DLGAP2: variants seen among roughly 807,000 people sequenced by gnomAD.
DLGAP2 encodes DLG associated protein 2.
Under a neutral mutation model 100.3 loss-of-function variants are expected in DLGAP2, and 26 were observed. The observed-to-expected ratio is 0.26, with a 90% CI of 0.19 to 0.36. The LOEUF (loss-of-function observed/expected upper bound fraction) is 0.36. Ranked by LOEUF, DLGAP2 falls within the 10% of genes least tolerant of loss-of-function variation. The pLI, the probability that DLGAP2 is intolerant of heterozygous loss-of-function variation, is 1.00. For synonymous variants in DLGAP2, 886 were observed against 630.1 expected (o/e 1.41, Z -6.08); for missense variants, 1,858 against 1,453.2 (o/e 1.28, Z -4.53).
chr8:913,568 T>G (rs967272782), intron 2 of DLGAP2, among the ~76,000 whole-genome samples: 1 of 152,378 alleles, frequency 6.6e-6, no homozygotes, highest in East Asian at 1.9e-4. Context: ...TGAATGCTTA[T>G]ACTAATAGTA....
chr8:1,012,022 C>T lies in DLGAP2; in HGVS notation c.73+104056C>T, dbSNP rs535791666. The stretch of plus-strand genomic sequence containing the variant: ...CTCAAGTCCAGGGGCATGGCTTTCA[C>T]AGAAGATGTTTTATAGGCCCTGCAA... On this transcript the variant is annotated intron_variant, in intron 2 of 14. Transcript: ENST00000637795. 3.9e-5 allele frequency among the ~76,000 whole-genome samples: 6 copies of T among 152,316 alleles called. No homozygotes were observed. In the South Asian group the frequency reaches 1.2e-3, roughly 32 times the overall value.
intron 1 of DLGAP2, among the ~76,000 whole-genome samples, chr8:743,954 G>T (rs1022351930): frequency 3.9e-5 from 6 of 152,270 alleles, no homozygotes; most frequent in Admixed American, 3.9e-4. Context: ...TGAAGACGTG[G>T]ATTCACGTCG....
chr8:1,372,922 C>T (rs901097350), intron 3 of DLGAP2, among the ~76,000 whole-genome samples: 3 of 152,206 alleles, frequency 2.0e-5, no homozygotes, highest in African/African-American at 7.2e-5. Context: ...GTACGGGGCA[C>T]TCTGAGTGTG....
chr8:1,036,221 G>A (rs1218122765), intron 2 of DLGAP2, among the ~76,000 whole-genome samples: 11 of 149,212 alleles, frequency 7.4e-5, no homozygotes, highest in East Asian at 6.0e-4. Flanking sequence ...TCCCGACCCC[G>A]CGTGTCACCG....
At chr8:1,345,017 T>C (rs540202253) in intron 3 of DLGAP2, among the ~76,000 whole-genome samples, 6 of 152,334 alleles carry the variant, frequency 3.9e-5, no homozygotes, top group African/African-American at 1.4e-4. Flanking sequence ...AAATTTGATA[T>C]TGGGACCATT....
intron 3 of DLGAP2, among the ~76,000 whole-genome samples, chr8:1,431,848 CCT>C (rs1272218240): frequency 1.3e-5 from 2 of 152,170 alleles, no homozygotes; most frequent in African/African-American, 4.8e-5. Context: ...GCCACCAAGC[CCT>C]GAGAACCCTG....
chr8:1,364,190 C>T (rs951191916), intron 3 of DLGAP2, among the ~76,000 whole-genome samples: 2 of 152,190 alleles, frequency 1.3e-5, no homozygotes, highest in African/African-American at 2.4e-5. Flanking sequence ...GAGCCCTGTA[C>T]AGAGGGGAGG....
At chr8:1,545,200 G>T (rs1227480076) in intron 4 of DLGAP2, among the ~76,000 whole-genome samples, 1 of 152,138 alleles carries the variant, frequency 6.6e-6, no homozygotes, top group African/African-American at 2.4e-5. Context: ...CTTTGAGAGG[G>T]ATCGGTGTTA....
chr8:1,100,171 G>A (rs1804528970), intron 2 of DLGAP2, among the ~76,000 whole-genome samples: 1 of 148,770 alleles, frequency 6.7e-6, no homozygotes, highest in Admixed American at 6.7e-5. Flanking sequence ...GACAGCGTGT[G>A]TAGGGAAAAC....
At chr8:1,680,300 G>A (rs761796806) in intron 12 of DLGAP2, among the ~76,000 whole-genome samples, 10 of 152,318 alleles carry the variant, frequency 6.6e-5, no homozygotes, top group East Asian at 5.8e-4. Context: ...TTTCTAGATG[G>A]CTGTTTTAAT....
chr8:950,158 G>C (rs980993935), intron 2 of DLGAP2, among the ~76,000 whole-genome samples: 1 of 152,190 alleles, frequency 6.6e-6, no homozygotes, highest in Non-Finnish European at 1.5e-5. Flanking sequence ...GTCCAAAACA[G>C]TGACTCGGGG....
intron 4 of DLGAP2, among the ~76,000 whole-genome samples, chr8:1,546,779 T>C (rs1801553321): frequency 6.6e-6 from 1 of 152,086 alleles, no homozygotes. Context: ...CATCTCAGGC[T>C]GCTTAGGGTG....
chr8:979,361 T>C (rs1257099830), intron 2 of DLGAP2, among the ~76,000 whole-genome samples: 1 of 152,082 alleles, frequency 6.6e-6, no homozygotes, highest in African/African-American at 2.4e-5. Context: ...AAGGGAGAAA[T>C]TGAGTAGTTG....
intron 2 of DLGAP2, among the ~76,000 whole-genome samples, chr8:1,034,539 C>T (rs1802076007): frequency 1.1e-5 from 1 of 91,742 alleles, no homozygotes; most frequent in Non-Finnish European, 2.1e-5. Flanking sequence ...ATCCCGACCC[C>T]GCGTGTCACC....
intron 1 of DLGAP2, among the ~76,000 whole-genome samples, chr8:761,842 C>T (rs868760025): frequency 3.9e-5 from 6 of 152,198 alleles, no homozygotes; most frequent in South Asian, 4.1e-4. Context: ...GCCTGGCGTG[C>T]GACACCCTGC....
At chr8:1,264,057 C>A (rs6558434) in intron 3 of DLGAP2, among the ~76,000 whole-genome samples, 33,936 of 152,040 alleles carry the variant, frequency 0.22, 4,490 homozygotes, top group African/African-American at 0.36. Flanking sequence ...CTCTCTTAGT[C>A]TAGATGGAAG....
At chr8:1,344,944 A>G (rs1025539908) in intron 3 of DLGAP2, among the ~76,000 whole-genome samples, 2 of 152,222 alleles carry the variant, frequency 1.3e-5, no homozygotes, top group African/African-American at 2.4e-5. Context: ...AGAGGACTCA[A>G]CATCACCAGG....
intron 2 of DLGAP2, among the ~76,000 whole-genome samples, chr8:1,114,336 T>A (rs901793725): frequency 2.6e-5 from 4 of 152,178 alleles, no homozygotes. Context: ...CTGGGCTTTT[T>A]TTTGGTTGAT....
intron 1 of DLGAP2, among the ~76,000 whole-genome samples, chr8:745,603 A>G (rs1038719585): frequency 1.3e-5 from 2 of 152,236 alleles, no homozygotes; most frequent in Non-Finnish European, 2.9e-5. Flanking sequence ...TAAGGAAATA[A>G]TCATGAATTT....
Sources: allele counts gnomAD v4.1 joint callset (sites outside exome capture counted in the v4.1 genomes callset), GRCh38; gene constraint gnomAD v4.1.1; transcripts MANE v1.5; gene names NCBI Gene and HGNC (gene_info 2026-07-23, HGNC 2026-07-21).